Variants in SLC35F2 observed in about 807,000 individuals in gnomAD.
The protein encoded by SLC35F2 is queuine/queuosine transporter SLC35F2.
In SLC35F2, 25 loss-of-function variants were observed where a neutral mutation model predicts 38.1. The observed-to-expected ratio is 0.66, with a 90% CI of 0.48 to 0.92. SLC35F2 has a LOEUF of 0.92. SLC35F2 is among the 40% of genes least tolerant of loss of function. The pLI is 0.00. For synonymous variants in SLC35F2, 173 were observed against 181.7 expected, an observed-to-expected ratio of 0.95 and a Z score of 0.38; for missense variants, 409 against 452.9, an observed-to-expected ratio of 0.90 and a Z score of 0.88.
chr11:107,854,010 A>G (rs1033228897), intron 1 of SLC35F2, among the ~76,000 whole-genome samples: 1 of 152,100 alleles, frequency 6.6e-6, no homozygotes, highest in Non-Finnish European at 1.5e-5. Context: ...TGAGCCCAGG[A>G]GTTCAAGATC....
At chr11:107,844,329 C>T (rs78781157) in intron 1 of SLC35F2, among the ~76,000 whole-genome samples, 1 of 152,134 alleles carries the variant, frequency 6.6e-6, no homozygotes, top group African/African-American at 2.4e-5. Context: ...ATACCTGCCG[C>T]AGAAAGTTAT....
chr11:107,830,106 A>T (rs1859814739), intron 1 of SLC35F2, among the ~76,000 whole-genome samples: 1 of 145,180 alleles, frequency 6.9e-6, no homozygotes, highest in Non-Finnish European at 1.5e-5. Context: ...TATAAAAGTT[A>T]AAAAAAAAAA....
chr11:107,846,305 T>G (rs145737731), intron 1 of SLC35F2, among the ~76,000 whole-genome samples: 1 of 152,188 alleles, frequency 6.6e-6, no homozygotes, highest in Non-Finnish European at 1.5e-5. Flanking sequence ...AACGTATTGT[T>G]GCCTCTCAGC....
intron 6 of SLC35F2, 181 bp from the exon 7 acceptor site, chr11:107,803,336 G>T (rs1012263243): frequency 1.0e-6 from 1 of 984,676 alleles, no homozygotes; most frequent in Non-Finnish European, 1.2e-6. Flanking sequence ...AATATAAATA[G>T]CAAGTTGTGA....
chr11:107,795,824 G>T (rs1030358932), intron 7 of SLC35F2, among the ~76,000 whole-genome samples: 10 of 152,138 alleles, frequency 6.6e-5, no homozygotes, highest in African/African-American at 1.9e-4. Context: ...TAACATGCTG[G>T]CAAGGATGTA....
chr11:107,837,782 T>C, intron 1 of SLC35F2, among the ~76,000 whole-genome samples: 1 of 152,128 alleles, frequency 6.6e-6, no homozygotes, highest in East Asian at 1.9e-4. Context: ...TAAATTCCTA[T>C]GACATTTTGG....
intron 7 of SLC35F2, among the ~76,000 whole-genome samples, chr11:107,796,538 T>C (rs1337953223): frequency 6.6e-6 from 1 of 152,124 alleles, no homozygotes; most frequent in African/African-American, 2.4e-5. Flanking sequence ...GAAAGACAAA[T>C]AGTGCATGTT....
intron 3 of SLC35F2, 117 bp downstream of exon 3, chr11:107,811,550 T>C: frequency 1.1e-6 from 1 of 937,114 alleles, no homozygotes; most frequent in Non-Finnish European, 1.6e-6. Context: ...AGCATCCACC[T>C]GTGTTTAGGT....
intron 1 of SLC35F2, among the ~76,000 whole-genome samples, chr11:107,829,158 C>T (rs1859797619): frequency 6.6e-6 from 1 of 150,634 alleles, no homozygotes. Context: ...AAAGCTCACA[C>T]CTGTAATCTC....
chr11:107,842,976 C>A lies in SLC35F2; in HGVS notation c.110+15682G>T, dbSNP rs115729000. On this transcript the variant is annotated intron_variant, in intron 1 of 7. Coordinates refer to ENST00000525815, the MANE Select transcript of SLC35F2 (RefSeq NM_017515.5). Reference sequence around the variant, plus strand: ...CACAGGAAAGAATATTACAAAGAGTCAAAGTGAGTGTTTGTATACAGCATC... The same window carrying A: ...CACAGGAAAGAATATTACAAAGAGTAAAAGTGAGTGTTTGTATACAGCATC... Among the ~76,000 whole-genome samples, 844 of 152,156 alleles carry A rather than the reference C, an allele frequency of 5.5e-3. 5 individuals are homozygous for A. Among genetic ancestry groups the A allele is most frequent in the African/African-American group, 0.019 (808 of 41,494 alleles).
At chr11:107,835,363 T>G (rs1348636264) in intron 1 of SLC35F2, among the ~76,000 whole-genome samples, 1 of 152,052 alleles carries the variant, frequency 6.6e-6, no homozygotes, top group African/African-American at 2.4e-5. Context: ...CTGGAATGTG[T>G]GCGAATTTCC....
chr11:107,838,548 C>T (rs754281914), intron 1 of SLC35F2, among the ~76,000 whole-genome samples: 6 of 151,710 alleles, frequency 4.0e-5, no homozygotes, highest in Admixed American at 6.6e-5. Flanking sequence ...TGGTCTTGAA[C>T]TCCTGACCTC....
At position 107,853,663 on chromosome 11, in the gene SLC35F2, T is replaced by C. The variant is rs1263774050; in HGVS notation, c.110+4995A>G. Among the ~76,000 whole-genome samples the C allele has an allele frequency of 2.2e-5, 3 of 135,028 alleles. No individual in the cohort carries two copies. The East Asian group carries it at 6.4e-4, about 29-fold the overall frequency. The allele number at this position is 135,028 out of a possible 152,430, so 88.6% of individuals were successfully genotyped here. A position where few individuals can be genotyped will look rare whatever the true frequency, so the allele number is the denominator to read the frequency against. Reference sequence around the variant, plus strand: ...TGAACCCGGGAGGCGGAGCTTGCAGTGAGCCGAGATCGCGCCACTGCACTC... The same window carrying C: ...TGAACCCGGGAGGCGGAGCTTGCAGCGAGCCGAGATCGCGCCACTGCACTC... On this transcript the variant is annotated intron_variant, in intron 1 of 7. Coordinates refer to ENST00000525815, the MANE Select transcript of SLC35F2 (RefSeq NM_017515.5).
intron 1 of SLC35F2, among the ~76,000 whole-genome samples, chr11:107,826,993 A>G (rs1362819974): frequency 6.6e-6 from 1 of 152,162 alleles, no homozygotes; most frequent in African/African-American, 2.4e-5. Flanking sequence ...GTCCCCCTAC[A>G]ATATGAATAT....
intron 7 of SLC35F2, among the ~76,000 whole-genome samples, chr11:107,798,293 T>C (rs1040225678): frequency 1.3e-5 from 2 of 152,178 alleles, no homozygotes; most frequent in Non-Finnish European, 2.9e-5. Flanking sequence ...TGTGAGCCAC[T>C]TGCGCCCAGC....
At chr11:107,834,773 A>G (rs1319058755) in intron 1 of SLC35F2, among the ~76,000 whole-genome samples, 1 of 152,146 alleles carries the variant, frequency 6.6e-6, no homozygotes, top group Non-Finnish European at 1.5e-5. Flanking sequence ...ATATACTCAT[A>G]TCATATATAC....
At chr11:107,856,223 C>A (rs571117028) in intron 1 of SLC35F2, among the ~76,000 whole-genome samples, 1 of 152,254 alleles carries the variant, frequency 6.6e-6, no homozygotes, top group Admixed American at 6.5e-5. Flanking sequence ...AGGCCACTGG[C>A]ATCTCCTGAA....
chr11:107,853,907 G>A (rs1423511244), intron 1 of SLC35F2, among the ~76,000 whole-genome samples: 1 of 151,848 alleles, frequency 6.6e-6, no homozygotes, highest in Non-Finnish European at 1.5e-5. Flanking sequence ...GTTGTTACAA[G>A]GAATACGCGT....
At chr11:107,847,430 A>C (rs1287129819) in intron 1 of SLC35F2, among the ~76,000 whole-genome samples, 5 of 152,108 alleles carry the variant, frequency 3.3e-5, no homozygotes, top group African/African-American at 1.2e-4. Context: ...TCTTCCACAA[A>C]TGTGGCTACC....
Sources: gnomAD v4.1 joint callset for allele counts (sites outside exome capture counted in the v4.1 genomes callset) on GRCh38, gnomAD v4.1.1 for gene constraint, MANE v1.5 for transcripts, NCBI Gene and HGNC (gene_info 2026-07-23, HGNC 2026-07-21) for gene names.